DNA2: variants seen among roughly 807,000 people sequenced by gnomAD.
DNA2 encodes the protein DNA replication helicase/nuclease 2.
Under a neutral mutation model 119.1 loss-of-function variants are expected in DNA2, and 101 were observed. The ratio of observed to expected loss-of-function variants is 0.85; its 90% CI spans 0.72 to 1.00. DNA2 has a LOEUF of 1.00. Ranked by LOEUF, DNA2 falls within the 50% of genes least tolerant of loss-of-function variation. DNA2 has a pLI of 0.00. For missense variants in DNA2, 1,121 were observed against 1,255.5 expected, an observed-to-expected ratio of 0.89 and a Z score of 1.62; for synonymous variants, 366 against 424.4, an observed-to-expected ratio of 0.86 and a Z score of 1.69.
At chr10:68,431,799 C>T in intron 13 of DNA2, 63 bp downstream of exon 13, 1 of 1,117,990 alleles carries the variant, frequency 8.9e-7, no homozygotes, top group East Asian at 2.4e-5. Context: ...ATATTACATC[C>T]TCTGAACTGA....
At chr10:68,459,454 A>G (rs1227530304) in intron 4 of DNA2, among the ~76,000 whole-genome samples, 1 of 152,238 alleles carries the variant, frequency 6.6e-6, no homozygotes, top group East Asian at 1.9e-4. Context: ...AAATTCTGAC[A>G]TATGTTACAA....
At chr10:68,415,723 G>A (rs565440742) in intron 20 of DNA2, among the ~76,000 whole-genome samples, 25 of 150,150 alleles carry the variant, frequency 1.7e-4, no homozygotes, top group Non-Finnish European at 2.2e-4. Flanking sequence ...GCTAGATCTC[G>A]GCTCACTACA....
Position 68,468,305 on chromosome 10 carries a change from A to C in DNA2, c.259T>G (p.Cys87Gly), listed in dbSNP as rs777751568. ...KELCILRNDWCSVPVEPGDII... is the reference protein window; with the variant it reads ...KELCILRNDWGSVPVEPGDII... Reference sequence around the variant, plus strand: ...TCTCCTGGCTCTACTGGAACAGAACACCTGAAAATAAAGCAAAGTTAAAGT... The same window carrying C: ...TCTCCTGGCTCTACTGGAACAGAACCCCTGAAAATAAAGCAAAGTTAAAGT... Residue 87 changes from cysteine (C) to glycine (G), a missense_variant and splice_region_variant, in exon 3 of 21, where the codon TGT (cysteine) becomes GGT (glycine). Transcript: ENST00000358410. The C allele has an allele frequency of 6.4e-7, 1 of 1,556,990 alleles. No individual in the cohort carries two copies. The highest frequency in any genetic ancestry group is 1.3e-5 in the South Asian group (1 of 78,146).
Position 68,443,173 on chromosome 10 carries a change from G to A in DNA2, c.1221-62C>T, listed in dbSNP as rs539347723. ...CCATTTCCCTGGCTGGGTACGAAGT[G>A]AGATAATTCCAAAATAAGAACACAT... On this transcript the variant is annotated intron_variant, in intron 8 of 20. Coordinates refer to ENST00000358410, the MANE Select transcript of DNA2 (RefSeq NM_001080449.3). 795 of 1,372,244 alleles carry A rather than the reference G, an allele frequency of 5.8e-4. 10 individuals carry two copies. The South Asian group carries it at 7.1e-3, about 12-fold the overall frequency. The allele number at this position is 1,372,244 out of a possible 1,614,324, so 85.0% of individuals were successfully genotyped here.
At chr10:68,467,325 G>A (rs1405777654) in intron 3 of DNA2, among the ~76,000 whole-genome samples, 2 of 151,896 alleles carry the variant, frequency 1.3e-5, no homozygotes, top group Non-Finnish European at 2.9e-5. Context: ...TGGTCAGGCT[G>A]GTCTTGAACT....
chr10:68,414,861 A>G lies in DNA2; in HGVS notation c.*178T>C. On this transcript the variant is annotated 3_prime_UTR_variant, in exon 21 of 21. Coordinates refer to ENST00000358410, the MANE Select transcript of DNA2 (RefSeq NM_001080449.3). ...TAAAAATTTATCAAACTCTTTCTCT[A>G]GGTTAGGCAAAAATGCATGCATAGA... 1 of 422,538 alleles carries G rather than the reference A, an allele frequency of 2.4e-6. No individual in the cohort carries two copies. 26.2% of individuals were successfully genotyped at this position (422,538 alleles called of 1,614,324 possible).
At chr10:68,422,085 T>A (rs1270471705) in intron 17 of DNA2, 140 bp downstream of exon 17, 2 of 654,070 alleles carry the variant, frequency 3.1e-6, no homozygotes, top group Non-Finnish European at 5.0e-6. Flanking sequence ...AGTGCTGGGA[T>A]TACAGGTGTG....
rs7916974 is a variant in DNA2 at position 68,445,282 on chromosome 10, C to T, written c.1058-199G>A. ...GGGTTCAAGACTAGCCTAACCAACACGGTGAAACCCCGTCTCTACTAAAAA... is the reference window on the plus strand; with the variant it reads ...GGGTTCAAGACTAGCCTAACCAACATGGTGAAACCCCGTCTCTACTAAAAA... On this transcript the variant is annotated intron_variant, in intron 7 of 20. Coordinates refer to ENST00000358410, the MANE Select transcript of DNA2 (RefSeq NM_001080449.3). Among the ~76,000 whole-genome samples, 22,930 of 152,042 alleles carry T rather than the reference C, an allele frequency of 0.15. 3,917 individuals carry two copies. Among genetic ancestry groups the T allele is most frequent in the African/African-American group, 0.42 (17,605 of 41,424 alleles).
In DNA2 at chr10:68,416,776, C is replaced by G. The variant is rs771382720; in HGVS notation, c.3047G>C (p.Cys1016Ser). ...AGGATAGCAATTTAGTGAGGGCACA[C>G]ACCCCAGAAGAATCAGTTTATGTTT... The part of the protein sequence containing the change: ...RAKHKLILLG[C>S]VPSLNCYPPL... The change falls in exon 20 of 21, where the codon TGT becomes TCT. Residue 1016 changes from cysteine to serine, a missense_variant. Physicochemically the swap from Cys to Ser is moderately radical, Grantham distance 112 (BLOSUM62 -1). Transcript: ENST00000358410. 6.2e-7 allele frequency: 1 copy of G among 1,613,780 alleles called. No individual in the cohort carries two copies. The highest frequency in any genetic ancestry group is 8.5e-7 in the Non-Finnish European group (1 of 1,179,816).
At chr10:68,430,712 A>G (rs1590054136) in intron 13 of DNA2, 52 bp from the exon 14 acceptor site, 1 of 1,305,494 alleles carries the variant, frequency 7.7e-7, no homozygotes, top group Admixed American at 2.8e-5. Context: ...TTAATTCCAG[A>G]TAATTTTTAA....
chr10:68,417,906 A>G (rs923348723), intron 19 of DNA2, among the ~76,000 whole-genome samples: 1 of 152,212 alleles, frequency 6.6e-6, no homozygotes. Context: ...GTAGTCACAA[A>G]AAGATAAATG....
At chr10:68,418,946 T>C in intron 19 of DNA2, 88 bp downstream of exon 19, 2 of 1,254,226 alleles carry the variant, frequency 1.6e-6, no homozygotes, top group South Asian at 3.1e-5. Flanking sequence ...GGGCTGGGAT[T>C]ACAGGTGTGA....
At chr10:68,462,332 T>C (rs1249475790) in intron 4 of DNA2, among the ~76,000 whole-genome samples, 3 of 152,126 alleles carry the variant, frequency 2.0e-5, no homozygotes, top group South Asian at 4.1e-4. Context: ...GGTCATGCCA[T>C]TGCAATCCAG....
intron 1 of DNA2, among the ~76,000 whole-genome samples, chr10:68,471,045 T>C (rs1054793483): frequency 1.3e-5 from 2 of 152,190 alleles, no homozygotes; most frequent in Non-Finnish European, 2.9e-5. Flanking sequence ...AAAACAGCCC[T>C]TCTCCTATTA....
chr10:68,433,061 G>A (rs183493107), intron 10 of DNA2, among the ~76,000 whole-genome samples: 42 of 152,190 alleles, frequency 2.8e-4, no homozygotes, highest in Non-Finnish European at 5.3e-4. Context: ...CTTTGGGTTT[G>A]GATATTTAGT....
chr10:68,446,861 C>CG lies in DNA2; in HGVS notation c.940-449dup, dbSNP rs1157907666. On this transcript the variant is annotated intron_variant, in intron 6 of 20. Coordinates refer to ENST00000358410, the MANE Select transcript of DNA2 (RefSeq NM_001080449.3). ...GCTGGGAACAATAGTGAGGGTGGTG[C>CG]GGGGGGAGAAGTGGGGATGGTTAAT... 4.6e-5 allele frequency among the ~76,000 whole-genome samples: 7 copies of CG among 150,892 alleles called. No homozygotes were observed. The East Asian group carries it at 1.4e-3, about 29-fold the overall frequency.
intron 9 of DNA2, among the ~76,000 whole-genome samples, chr10:68,437,915 T>A (rs1255172699): frequency 6.6e-6 from 1 of 152,034 alleles, no homozygotes; most frequent in Non-Finnish European, 1.5e-5. Flanking sequence ...TTTCACCATG[T>A]TGGCCAGGCT....
chr10:68,430,826 T>C (rs1023486361), intron 13 of DNA2, among the ~76,000 whole-genome samples, 166 bp from the exon 14 acceptor site: 21 of 152,230 alleles, frequency 1.4e-4, no homozygotes, highest in African/African-American at 4.8e-4. Flanking sequence ...TATACGTTAT[T>C]AATAATATGT....
At chr10:68,460,764 C>T (rs1004064025) in intron 4 of DNA2, among the ~76,000 whole-genome samples, 6 of 151,926 alleles carry the variant, frequency 3.9e-5, no homozygotes, top group African/African-American at 9.7e-5. Flanking sequence ...ATCCAAATAA[C>T]GCCAAGCATG....
Sources: gnomAD v4.1 joint callset for allele counts (sites outside exome capture counted in the v4.1 genomes callset) on GRCh38, gnomAD v4.1.1 for gene constraint, MANE v1.5 for transcripts, NCBI Gene and HGNC (gene_info 2026-07-23, HGNC 2026-07-21) for gene names.